SOD2: variants seen among roughly 807,000 people sequenced by gnomAD.
SOD2 encodes superoxide dismutase 2.
SOD2 carries 11 observed loss-of-function variants against 27.0 expected under a neutral mutation model. The observed-to-expected ratio is 0.41, with a 90% CI of 0.26 to 0.67. The LOEUF is 0.67. Among genes scored for constraint, SOD2 ranks in the 30% least tolerant of loss-of-function variants. The probability of loss-of-function intolerance (pLI) is 0.34; values close to 1 mark genes in which losing one functional copy is unlikely to be tolerated. For missense variants in SOD2, 250 were observed against 274.5 expected (o/e 0.91, Z 0.63); for synonymous variants, 105 against 103.0 (o/e 1.02, Z -0.12).
chr6:159,709,092 T>G (rs1224759895), intron 1 of SOD2, among the ~76,000 whole-genome samples: 2 of 152,190 alleles, frequency 1.3e-5, no homozygotes, highest in African/African-American at 4.8e-5. Context: ...GAACCCTTCC[T>G]TACACCTTAT....
intron 1 of SOD2, among the ~76,000 whole-genome samples, chr6:159,734,371 A>G (rs1171054020): frequency 2.6e-5 from 2 of 78,256 alleles, no homozygotes; most frequent in African/African-American, 7.2e-5. Flanking sequence ...GTGAGACTCC[A>G]TCTCAAAAAA....
chr6:159,675,136 T>A lies in SOD2; in HGVS notation c.*7357A>T, dbSNP rs1779748968. The A allele has an allele frequency of 6.6e-6, 1 of 152,126 alleles. No individual in the cohort carries two copies. The highest frequency in any genetic ancestry group is 1.5e-5 in the Non-Finnish European group (1 of 68,018). The allele number at this position is 152,126 out of a possible 1,614,324, so 9.4% of individuals were successfully genotyped here. ...TGGAAGAACATTCCATGCTCATGGA[T>A]AGGAAGAATCAATATCGTGAAAATG... On this transcript the variant is annotated 3_prime_UTR_variant, in exon 5 of 5. Coordinates refer to ENST00000538183, the MANE Select transcript of SOD2 (RefSeq NM_000636.4).
At position 159,678,809 on chromosome 6, in the gene SOD2, G is replaced by T. The variant is rs537820822; in HGVS notation, c.*3684C>A. On this transcript the variant is annotated 3_prime_UTR_variant, in exon 5 of 5. Coordinates refer to ENST00000538183, the MANE Select transcript of SOD2 (RefSeq NM_000636.4). ...CTGTGGGATCTGACTCCAATTCCAG[G>T]TAGACAGTGTCAGAATTGAATTATA... 1 of 152,314 alleles carries T rather than the reference G, an allele frequency of 6.6e-6. No homozygotes were observed. The highest frequency in any genetic ancestry group is 2.1e-4 in the South Asian group (1 of 4,826). 9.4% of individuals were successfully genotyped at this position (152,314 alleles called of 1,614,324 possible).
chr6:159,713,494 G>A, intron 1 of SOD2: 1 of 663,804 alleles, frequency 1.5e-6, no homozygotes, highest in Non-Finnish European at 2.7e-6. Context: ...TTTCTTCAAT[G>A]CCGTCTCAGC....
upstream of SOD2, among the ~76,000 whole-genome samples, chr6:159,697,179 T>C (rs1777437893): frequency 6.6e-6 from 1 of 152,278 alleles, no homozygotes; most frequent in South Asian, 2.1e-4. Flanking sequence ...AATATCCTCC[T>C]ATAAGGCATT....
intron 2 of SOD2, chr6:159,691,815 A>T (rs572901494): frequency 6.6e-6 from 1 of 152,306 alleles, no homozygotes; most frequent in South Asian, 2.1e-4. Flanking sequence ...TCAGTTTCCC[A>T]CTAAAGGGCT....
intron 1 of SOD2, among the ~76,000 whole-genome samples, chr6:159,710,777 CACCACTCAGCTGCTCTG>C (rs1306651300): frequency 7.3e-5 from 11 of 151,132 alleles, no homozygotes; most frequent in East Asian, 1.9e-4. Context: ...CCTCCATAAC[CACCACTCAGCTGCTCTG>C]ACCTCCATAA....
At position 159,719,097 on chromosome 6, in the gene SOD2, C is replaced by A. The variant is rs868728394; in HGVS notation, c.-116+8032G>T. On this transcript the variant is annotated intron_variant, in intron 1 of 2. Coordinates refer to the SOD2 transcript ENST00000401980. ...CCAAAATTCATGTTGAAATCTTAAC[C>A]CCTAATGTGGAGGTAGGTGGTGAGG... Among the ~76,000 whole-genome samples, 11 of 151,986 alleles carry A rather than the reference C, an allele frequency of 7.2e-5. 1 individual carries two copies. The South Asian group carries it at 2.3e-3, about 32-fold the overall frequency.
intron 1 of SOD2, among the ~76,000 whole-genome samples, chr6:159,734,814 A>G (rs1369281941): frequency 2.0e-5 from 3 of 152,130 alleles, no homozygotes; most frequent in African/African-American, 7.2e-5. Context: ...TAAAGATTTT[A>G]TGTTTGTCAG....
At chr6:159,695,165 A>G (rs779342379), upstream of SOD2, among the ~76,000 whole-genome samples, 1 of 152,202 alleles carries the variant, frequency 6.6e-6, no homozygotes, top group Non-Finnish European at 1.5e-5. Flanking sequence ...ATGAATCCAC[A>G]GGATTCAGAG....
intron 2 of SOD2, chr6:159,688,492 C>G (rs12195992): frequency 4.8e-6 from 2 of 417,076 alleles, no homozygotes; most frequent in African/African-American, 2.1e-5. Flanking sequence ...TCAGGGATCT[C>G]TTAGATAGAA....
intron 1 of SOD2, chr6:159,736,179 G>T: frequency 1.5e-6 from 2 of 1,356,690 alleles, no homozygotes; most frequent in Non-Finnish European, 2.1e-6. Context: ...AAATTGATTT[G>T]AAAGAGTCAG....
chr6:159,731,122 C>G (rs1778541056), upstream of SOD2, among the ~76,000 whole-genome samples: 1 of 151,758 alleles, frequency 6.6e-6, no homozygotes, highest in Non-Finnish European at 1.5e-5. Context: ...GCCTGGGCAA[C>G]AGAGAGAGAC....
chr6:159,725,630 A>T (rs1366462615), intron 1 of SOD2: 1 of 152,014 alleles, frequency 6.6e-6, no homozygotes, highest in Admixed American at 6.6e-5. Context: ...ATGTAAAACT[A>T]AAAGTTCAAA....
chr6:159,685,674 GTC>G, intron 3 of SOD2, among the ~76,000 whole-genome samples: 1 of 41,320 alleles, frequency 2.4e-5, no homozygotes, highest in South Asian at 8.4e-4. Flanking sequence ...TTCACCCCCC[GTC>G]CCCTTCTTTC....
intron 1 of SOD2, among the ~76,000 whole-genome samples, chr6:159,736,080 A>G (rs987009896): frequency 2.6e-5 from 4 of 152,210 alleles, no homozygotes; most frequent in East Asian, 3.8e-4. Flanking sequence ...GAACTCTGTA[A>G]TATCTTTGCC....
exon 1 of SOD2, chr6:159,761,768 T>G (rs899744948): frequency 3.3e-6 from 1 of 301,696 alleles, no homozygotes; most frequent in African/African-American, 2.2e-5. Context: ...CACTGGGGTT[T>G]CAGGCGCTCT....
upstream of SOD2, among the ~76,000 whole-genome samples, chr6:159,695,555 C>T (rs977362343): frequency 2.6e-5 from 4 of 152,120 alleles, no homozygotes; most frequent in Non-Finnish European, 4.4e-5. Context: ...TGGAGTGCAG[C>T]GGCGTGATCA....
intron 1 of SOD2, among the ~76,000 whole-genome samples, chr6:159,711,073 T>C (rs372251214): frequency 1.9e-4 from 13 of 68,880 alleles, no homozygotes; most frequent in South Asian, 1.2e-3. Flanking sequence ...CAACCACCAC[T>C]CACATTGCTC....
Sources: gnomAD v4.1 joint callset for allele counts (sites outside exome capture counted in the v4.1 genomes callset) on GRCh38, gnomAD v4.1.1 for gene constraint, MANE v1.5 for transcripts, NCBI Gene and HGNC (gene_info 2026-07-23, HGNC 2026-07-21) for gene names.